DET1: variants seen among roughly 807,000 people sequenced by gnomAD.
DET1 encodes DET1 partner of COP1 E3 ubiquitin ligase, also known as DET1 homolog.
DET1 carries 22 observed loss-of-function variants against 43.7 expected under a neutral mutation model. The ratio of observed to expected loss-of-function variants is 0.50; its 90% CI spans 0.36 to 0.72. The LOEUF (loss-of-function observed/expected upper bound fraction) is 0.72. Among genes scored for constraint, DET1 ranks in the 30% least tolerant of loss-of-function variants. The pLI is 0.00. For missense variants in DET1, 713 were observed against 713.3 expected (o/e 1.00, Z 0.00); for synonymous variants, 315 against 266.2 (o/e 1.18, Z -1.79).
chr15:88,502,924 A>G (rs535108327), intron 8 of DET1: 2 of 152,382 alleles, frequency 1.3e-5, no homozygotes, highest in South Asian at 4.1e-4. Flanking sequence ...CAGGTCCTCA[A>G]TAAATGTATA....
intron 2 of DET1, among the ~76,000 whole-genome samples, 175 bp downstream of exon 2, chr15:88,530,448 A>G (rs1271475023): frequency 1.3e-5 from 2 of 152,232 alleles, no homozygotes; most frequent in Non-Finnish European, 2.9e-5. Flanking sequence ...CCATTTGTCC[A>G]GATAAATACA....
Position 88,530,970 on chromosome 15 carries a change from G to C in DET1, c.736C>G (p.Pro246Ala). The C allele has an allele frequency of 1.2e-6, 2 of 1,613,984 alleles. 1 individual carries two copies. The highest frequency in any genetic ancestry group is 2.2e-5 in the South Asian group (2 of 91,074). Residue 246 changes from proline (P) to alanine (A), a missense_variant, in exon 2 of 5, where the codon CCT becomes GCT. By Grantham distance (27) the Pro-to-Ala change is conservative. Coordinates refer to ENST00000268148, the MANE Select transcript of DET1 (RefSeq NM_001144074.3). Reference sequence around the variant, plus strand: ...CGCACATCAATGAAAGTGCCTTCAGGAGTCACCTGGAAGACATGGATGGTC... The same window carrying C: ...CGCACATCAATGAAAGTGCCTTCAGCAGTCACCTGGAAGACATGGATGGTC... The part of the protein sequence containing the change: ...QQTIHVFQVT[P>A]EGTFIDVRTI...
intron 4 of DET1, among the ~76,000 whole-genome samples, chr15:88,515,027 C>G (rs2056303156): frequency 6.6e-6 from 1 of 152,044 alleles, no homozygotes; most frequent in African/African-American, 2.4e-5. Context: ...CCCACAATCC[C>G]CAAACACAAA....
intron 3 of DET1, among the ~76,000 whole-genome samples, chr15:88,519,088 C>A (rs1282766854): frequency 6.6e-6 from 1 of 152,192 alleles, no homozygotes; most frequent in Non-Finnish European, 1.5e-5. Context: ...CTCACCGACT[C>A]CCTGGCTTTC....
chr15:88,512,801 C>CCTCA lies in DET1; in HGVS notation c.*146_*149dup. On this transcript the variant is annotated 3_prime_UTR_variant, in exon 5 of 5. Coordinates refer to ENST00000268148, the MANE Select transcript of DET1 (RefSeq NM_001144074.3). ...TAAAAATTCCATTAGGTTGAGCCAC[C>CCTCA]CTCACTCCTCTCTCTGGCTCTCTCC... 1 of 1,407,592 alleles carries CCTCA rather than the reference C, an allele frequency of 7.1e-7. No individual in the cohort carries two copies. The highest frequency in any genetic ancestry group is 1.7e-5 in the South Asian group (1 of 57,688). 87.2% of individuals were successfully genotyped at this position (1,407,592 alleles called of 1,614,324 possible).
At chr15:88,540,454 ATTG>A (rs2142339018) in intron 1 of DET1, among the ~76,000 whole-genome samples, 1 of 151,458 alleles carries the variant, frequency 6.6e-6, no homozygotes, top group Admixed American at 6.6e-5. Context: ...ATTCTGTTAA[ATTG>A]CCTTCTAAAA....
intron 1 of DET1, among the ~76,000 whole-genome samples, chr15:88,534,170 AG>A (rs1044548032): frequency 3.3e-5 from 5 of 152,210 alleles, no homozygotes; most frequent in Non-Finnish European, 5.9e-5. Context: ...TATATGGCAA[AG>A]TCTTCTAATT....
At chr15:88,541,289 A>G (rs900993707) in intron 1 of DET1, among the ~76,000 whole-genome samples, 1 of 151,872 alleles carries the variant, frequency 6.6e-6, no homozygotes, top group African/African-American at 2.4e-5. Flanking sequence ...CTCTCCGCAC[A>G]ATTGTCTTGT....
chr15:88,516,635 A>T lies in DET1; in HGVS notation c.1463+147T>A. The T allele has an allele frequency of 1.6e-6, 1 of 616,350 alleles. No individual in the cohort carries two copies. Among genetic ancestry groups the T allele is most frequent in the Non-Finnish European group, 2.6e-6 (1 of 386,210 alleles). The allele number at this position is 616,350 out of a possible 1,614,324, so 38.2% of individuals were successfully genotyped here. A position where few individuals can be genotyped will look rare whatever the true frequency, so the allele number is the denominator to read the frequency against. ...TAGCACCTAAATGATCACAGCTCTC[A>T]CTGCATTATAGAAATAGCCTGCCTT... is the stretch of plus-strand genomic sequence containing the variant. On this transcript the variant is annotated intron_variant, in intron 4 of 4. Coordinates refer to ENST00000268148, the MANE Select transcript of DET1 (RefSeq NM_001144074.3). This position sits in a 1 kb window ranked among gnomAD's most constrained non-coding sequence, Gnocchi z 4.4.
At chr15:88,545,588 G>C (rs1230214022) in intron 1 of DET1, among the ~76,000 whole-genome samples, 2 of 152,068 alleles carry the variant, frequency 1.3e-5, no homozygotes, top group Non-Finnish European at 2.9e-5. Flanking sequence ...TTAATTTTTA[G>C]GCCTTGTATA....
chr15:88,507,540 C>T (rs560249808), downstream of DET1, among the ~76,000 whole-genome samples: 26 of 152,356 alleles, frequency 1.7e-4, no homozygotes, highest in South Asian at 4.6e-3. Flanking sequence ...AAACCAATCA[C>T]GATAGTCCCA....
intron 1 of DET1, among the ~76,000 whole-genome samples, chr15:88,544,925 C>T (rs146588844): frequency 3.3e-5 from 5 of 152,220 alleles, no homozygotes; most frequent in East Asian, 3.9e-4. Context: ...CAGGAAGTGT[C>T]GACCTTGTAG....
chr15:88,531,995 A>C lies in DET1; in HGVS notation c.-10-280T>G. 1 of 384,500 alleles carries C rather than the reference A, an allele frequency of 2.6e-6. No homozygotes were observed. Among genetic ancestry groups the C allele is most frequent in the Non-Finnish European group, 4.7e-6 (1 of 212,980 alleles). 23.8% of individuals were successfully genotyped at this position (384,500 alleles called of 1,614,324 possible). On this transcript the variant is annotated intron_variant, in intron 1 of 4. Transcript: ENST00000268148. The surrounding 1 kb of genome is among the most constrained non-coding windows in gnomAD (Gnocchi z 6.2). ...CAACAGAAAAAAACCTACAACTACA[A>C]ATTTGAACAGTATAAGACACATTCG...
At chr15:88,541,241 G>C (rs566325225) in intron 1 of DET1, among the ~76,000 whole-genome samples, 122 of 150,324 alleles carry the variant, frequency 8.1e-4, no homozygotes, top group Middle Eastern at 6.8e-3. Flanking sequence ...CATTGTCTAT[G>C]ATGCAAAGAC....
At chr15:88,543,624 G>A (rs1269996713) in intron 1 of DET1, among the ~76,000 whole-genome samples, 4 of 152,166 alleles carry the variant, frequency 2.6e-5, no homozygotes, top group Non-Finnish European at 5.9e-5. Context: ...CTGTTACCAC[G>A]GAGACAGATG....
chr15:88,528,551 T>C (rs1303405551), intron 2 of DET1, among the ~76,000 whole-genome samples: 1 of 152,218 alleles, frequency 6.6e-6, no homozygotes, highest in African/African-American at 2.4e-5. Context: ...ATGCCATAGG[T>C]GGCAGAGTTA....
chr15:88,530,935 GC>G lies in DET1; in HGVS notation c.770del (p.Gly257AlafsTer95). 6.2e-7 allele frequency: 1 copy of G among 1,614,024 alleles called. No individual in the cohort carries two copies. The highest frequency in any genetic ancestry group is 8.5e-7 in the Non-Finnish European group (1 of 1,179,888). On this transcript the variant is annotated frameshift_variant, in exon 2 of 5. Coordinates refer to ENST00000268148, the MANE Select transcript of DET1 (RefSeq NM_001144074.3). LOFTEE classifies it high-confidence loss of function. Reference sequence around the variant, plus strand: ...GCAGGTCATCCTCATAGCAAAAGCGGCCAATGGTCCGCACATCAATGAAAGT... The same window carrying G: ...GCAGGTCATCCTCATAGCAAAAGCGGCAATGGTCCGCACATCAATGAAAGT... The part of the protein sequence containing the change: ...EGTFIDVRTI[G>X]RFCYEDDLLT...
At chr15:88,518,865 G>C (rs2056416002) in intron 3 of DET1, among the ~76,000 whole-genome samples, 1 of 152,088 alleles carries the variant, frequency 6.6e-6, no homozygotes, top group South Asian at 2.1e-4. Flanking sequence ...ACACTTTTCT[G>C]CTCCCCCTAA....
At chr15:88,508,807 G>A (rs2056168731), downstream of DET1, among the ~76,000 whole-genome samples, 1 of 152,210 alleles carries the variant, frequency 6.6e-6, no homozygotes. Context: ...AAGGGTAGCA[G>A]AGAAATGAGC....
Sources: gnomAD v4.1 joint callset for allele counts (sites outside exome capture counted in the v4.1 genomes callset) on GRCh38, gnomAD v4.1.1 for gene constraint, Gnocchi (gnomAD v3.1) non-coding constraint, MANE v1.5 for transcripts, NCBI Gene and HGNC (gene_info 2026-07-23, HGNC 2026-07-21) for gene names.